MCF2L2: variants seen among roughly 807,000 people sequenced by gnomAD.
The protein encoded by MCF2L2 is MCF.2 cell line derived transforming sequence-like 2.
Under a neutral mutation model 150.2 loss-of-function variants are expected in MCF2L2, and 102 were observed. The ratio of observed to expected loss-of-function variants is 0.68; its 90% CI spans 0.58 to 0.80. MCF2L2 has a LOEUF of 0.80. Ranked by LOEUF, MCF2L2 falls within the 30% of genes least tolerant of loss-of-function variation. MCF2L2 has a pLI of 0.00. For missense variants in MCF2L2, 1,256 were observed against 1,372.8 expected (o/e 0.91, Z 1.34); for synonymous variants, 465 against 491.3 (o/e 0.95, Z 0.71).
At chr3:183,241,183 A>G (rs1724009234) in intron 15 of MCF2L2, among the ~76,000 whole-genome samples, 2 of 152,264 alleles carry the variant, frequency 1.3e-5, no homozygotes, top group South Asian at 4.1e-4. Flanking sequence ...AAGTTTAAGC[A>G]GAGGTTTTTC....
intron 1 of MCF2L2, among the ~76,000 whole-genome samples, chr3:183,415,189 A>ATTT (rs200764680): frequency 2.0e-5 from 3 of 147,896 alleles, no homozygotes; most frequent in African/African-American, 4.9e-5. Flanking sequence ...GTTGAACTGA[A>ATTT]TTTTTTTTTT....
At chr3:183,216,572 ATATATATATTTTTTTTTTTTTTTTTTTT>A (rs1389508752) in intron 21 of MCF2L2, among the ~76,000 whole-genome samples, 764 of 19,058 alleles carry the variant, frequency 0.04, 21 homozygotes, top group African/African-American at 0.12. Flanking sequence ...ATATATATAT[ATATATATATTTTTTTTTTTTTTTTTTTT>A]TTTTTTTTTT....
intron 7 of MCF2L2, 79 bp from the exon 8 acceptor site, chr3:183,311,851 A>G: frequency 7.9e-7 from 1 of 1,272,318 alleles, no homozygotes; most frequent in Non-Finnish European, 1.1e-6. Flanking sequence ...AGAGAATAGT[A>G]GATCAGTACA....
intron 5 of MCF2L2, among the ~76,000 whole-genome samples, chr3:183,330,245 G>GAAAAAAAAAAA (rs200391954): frequency 1.0e-4 from 6 of 57,304 alleles, no homozygotes; most frequent in African/African-American, 2.2e-4. Flanking sequence ...ACCCTGTCTT[G>GAAAAAAAAAAA]AAAAAAAAAA....
chr3:183,393,847 C>T (rs1714301342), intron 1 of MCF2L2, among the ~76,000 whole-genome samples: 1 of 152,202 alleles, frequency 6.6e-6, no homozygotes, highest in South Asian at 2.1e-4. Context: ...TGGAGCCATC[C>T]TCCTTACAAC....
chr3:183,342,434 A>G (rs991788925), intron 3 of MCF2L2, among the ~76,000 whole-genome samples: 10 of 152,080 alleles, frequency 6.6e-5, no homozygotes, highest in African/African-American at 2.4e-4. Context: ...CAGTAATGAG[A>G]TGGTTAAAAG....
chr3:183,199,382 A>C (rs1371840665), intron 25 of MCF2L2, among the ~76,000 whole-genome samples: 1 of 152,244 alleles, frequency 6.6e-6, no homozygotes, highest in African/African-American at 2.4e-5. Flanking sequence ...GGGGAAGGTC[A>C]GAACTCAATT....
chr3:183,233,693 C>T (rs1278559474), intron 15 of MCF2L2, among the ~76,000 whole-genome samples: 2 of 152,036 alleles, frequency 1.3e-5, no homozygotes, highest in Non-Finnish European at 2.9e-5. Context: ...GTACTGAAAG[C>T]TAAAGTATGG....
chr3:183,221,164 A>G (rs1445174160), intron 20 of MCF2L2, among the ~76,000 whole-genome samples: 1 of 152,212 alleles, frequency 6.6e-6, no homozygotes, highest in East Asian at 1.9e-4. Flanking sequence ...CTGGTTTCAC[A>G]GGCACCAGCA....
At chr3:183,277,075 T>C in intron 14 of MCF2L2, 118 bp from the exon 15 acceptor site, 1 of 648,166 alleles carries the variant, frequency 1.5e-6, no homozygotes, top group Non-Finnish European at 2.7e-6. Context: ...AAGCAAAATA[T>C]CCAGTTTCTC....
At chr3:183,294,952 T>C (rs947035415) in intron 13 of MCF2L2, among the ~76,000 whole-genome samples, 3 of 151,870 alleles carry the variant, frequency 2.0e-5, no homozygotes, top group African/African-American at 4.8e-5. Context: ...TTAGTAGAGA[T>C]GGGTTTCAAC....
chr3:183,203,229 G>A (rs1200433668), intron 25 of MCF2L2, among the ~76,000 whole-genome samples: 8 of 151,560 alleles, frequency 5.3e-5, no homozygotes, highest in African/African-American at 1.9e-4. Flanking sequence ...GAAAAAAAAA[G>A]AAAAAAGAAA....
chr3:183,288,427 A>G (rs770395052), intron 14 of MCF2L2, among the ~76,000 whole-genome samples: 11 of 151,128 alleles, frequency 7.3e-5, no homozygotes, highest in Admixed American at 2.0e-4. Flanking sequence ...CCAGTTATTC[A>G]CGCACTTGTG....
Position 183,300,228 on chromosome 3 carries a change from G to A in MCF2L2, c.1114-32C>T, listed in dbSNP as rs574269753. The A allele has an allele frequency of 9.6e-5, 150 of 1,567,528 alleles. 2 individuals are homozygous for A. The South Asian group carries it at 1.7e-3, about 18-fold the overall frequency. On this transcript the variant is annotated intron_variant, in intron 10 of 29. Transcript: ENST00000328913. ...AGTGAACACCCACAGCCAGGCGTCAGAAGTCAGAGCATCATGAGGCTGAGA... is the reference window on the plus strand; with the variant it reads ...AGTGAACACCCACAGCCAGGCGTCAAAAGTCAGAGCATCATGAGGCTGAGA...
chr3:183,195,775 C>CTCAA (rs978278676), intron 25 of MCF2L2, among the ~76,000 whole-genome samples: 37 of 152,186 alleles, frequency 2.4e-4, no homozygotes, highest in African/African-American at 8.0e-4. Flanking sequence ...TTGAGGCCAT[C>CTCAA]TCAATCTTTT....
chr3:183,409,082 T>C (rs183382551), intron 1 of MCF2L2, among the ~76,000 whole-genome samples: 2 of 152,362 alleles, frequency 1.3e-5, no homozygotes, highest in East Asian at 1.9e-4. Context: ...TTAAGAATTA[T>C]GTATGTATTA....
chr3:183,211,073 G>A (rs956512178), intron 22 of MCF2L2, among the ~76,000 whole-genome samples: 1 of 152,100 alleles, frequency 6.6e-6, no homozygotes, highest in Non-Finnish European at 1.5e-5. Context: ...CTATGAAGAA[G>A]GTGAGTCATT....
chr3:183,332,277 T>A (rs16857326), intron 5 of MCF2L2, among the ~76,000 whole-genome samples: 33,509 of 152,094 alleles, frequency 0.22, 4,716 homozygotes, highest in African/African-American at 0.39. Flanking sequence ...GTGAAATGGT[T>A]ACTTACGGAG....
intron 13 of MCF2L2, among the ~76,000 whole-genome samples, chr3:183,292,035 T>C (rs1254465925): frequency 6.6e-6 from 1 of 152,086 alleles, no homozygotes; most frequent in Non-Finnish European, 1.5e-5. Flanking sequence ...TGTGTATGTT[T>C]GGGTATGTCT....
Sources: gnomAD v4.1 joint callset for allele counts (sites outside exome capture counted in the v4.1 genomes callset) on GRCh38, gnomAD v4.1.1 for gene constraint, MANE v1.5 for transcripts, NCBI Gene and HGNC (gene_info 2026-07-23, HGNC 2026-07-21) for gene names.